The following MYO18A variants were observed in gnomAD, a reference collection of about 807,000 sequenced individuals.
The protein encoded by MYO18A is myosin XVIIIA.
In MYO18A, 78 loss-of-function variants were observed where a neutral mutation model predicts 235.8. The ratio of observed to expected loss-of-function variants is 0.33; its 90% CI spans 0.28 to 0.40. The LOEUF (loss-of-function observed/expected upper bound fraction) is 0.40, where lower values mean the gene tolerates loss of function less well. Among genes scored for constraint, MYO18A ranks in the 10% least tolerant of loss-of-function variants. The pLI is 1.00. For synonymous variants in MYO18A, 977 were observed against 1,077.8 expected (o/e 0.91, Z 1.83); for missense variants, 2,215 against 2,699.3 (o/e 0.82, Z 3.98).
intron 39 of MYO18A, 30 bp from the exon 40 acceptor site, chr17:29,085,678 G>T: frequency 6.2e-7 from 1 of 1,612,886 alleles, no homozygotes; most frequent in Non-Finnish European, 8.5e-7. Flanking sequence ...GGTGGGCAAG[G>T]GGTCCAGAGG....
chr17:29,136,731 TGC>T (rs1033878763), intron 2 of MYO18A, among the ~76,000 whole-genome samples: 2 of 152,268 alleles, frequency 1.3e-5, no homozygotes, highest in African/African-American at 4.8e-5. Flanking sequence ...AAGCCTGTGC[TGC>T]TTCCTCAGTG....
intron 2 of MYO18A, 131 bp downstream of exon 2, chr17:29,165,811 C>G: frequency 1.1e-6 from 1 of 877,712 alleles, no homozygotes. Flanking sequence ...GCTCAGAGAG[C>G]AGCAGGGCTT....
intron 41 of MYO18A, chr17:29,077,078 A>C (rs1325175929): frequency 1.3e-5 from 2 of 152,264 alleles, no homozygotes; most frequent in Non-Finnish European, 2.9e-5. Flanking sequence ...ATACTGTTTC[A>C]TCAAGACGCT....
intron 10 of MYO18A, among the ~76,000 whole-genome samples, chr17:29,116,936 C>G (rs939221522): frequency 6.6e-6 from 1 of 152,010 alleles, no homozygotes; most frequent in African/African-American, 2.4e-5. Context: ...CTGTCCTCCA[C>G]ATTCTCGAGA....
chr17:29,147,950 G>C (rs916713392), intron 2 of MYO18A, among the ~76,000 whole-genome samples: 2 of 150,744 alleles, frequency 1.3e-5, no homozygotes, highest in African/African-American at 4.9e-5. Flanking sequence ...GAGATAAGAA[G>C]GGTCTGCCTA....
At chr17:29,124,519 G>A (rs1212964851) in intron 2 of MYO18A, 2 of 559,378 alleles carry the variant, frequency 3.6e-6, no homozygotes, top group African/African-American at 2.0e-5. Flanking sequence ...CACAGGGTGG[G>A]AGCCTGGAGG....
At chr17:29,086,315 G>T in intron 39 of MYO18A, 123 bp downstream of exon 39, 1 of 1,102,772 alleles carries the variant, frequency 9.1e-7, no homozygotes, top group Non-Finnish European at 1.3e-6. Flanking sequence ...TAAAGGGAGG[G>T]TGGGTTGGCG....
rs1025706768 is a variant in MYO18A, at chr17:29,165,798, C to T, written c.999+144G>A. ...CTTCTCCTGAGTTCATGCTTCCCCACAGGCTCAGAGAGCAGCAGGGCTTCC... is the reference window on the plus strand; with the variant it reads ...CTTCTCCTGAGTTCATGCTTCCCCATAGGCTCAGAGAGCAGCAGGGCTTCC... On this transcript the variant is annotated intron_variant, in intron 2 of 41. Coordinates refer to ENST00000527372, the MANE Select transcript of MYO18A (RefSeq NM_078471.4). 9.7e-6 allele frequency: 8 copies of T among 823,644 alleles called. No individual in the cohort carries two copies. In the African/African-American group the frequency reaches 1.4e-4, roughly 14 times the overall value. The allele number at this position is 823,644 out of a possible 1,614,324, so 51.0% of individuals were successfully genotyped here.
intron 41 of MYO18A, among the ~76,000 whole-genome samples, chr17:29,082,051 T>C (rs1041146440): frequency 1.1e-4 from 17 of 152,214 alleles, no homozygotes; most frequent in African/African-American, 3.9e-4. Flanking sequence ...ATTTGTTGAA[T>C]GAATAAGTGG....
At chr17:29,175,113 A>AT (rs894941401) in intron 1 of MYO18A, among the ~76,000 whole-genome samples, 1 of 151,586 alleles carries the variant, frequency 6.6e-6, no homozygotes, top group Non-Finnish European at 1.5e-5. Flanking sequence ...CCATATTTTA[A>AT]TTTTTTTTCT....
At position 29,121,839 on chromosome 17, in the gene MYO18A, C is replaced by T; in HGVS notation, c.1194+12G>A. The T allele has an allele frequency of 6.2e-7, 1 of 1,613,810 alleles. No homozygotes were observed. Among genetic ancestry groups the T allele is most frequent in the South Asian group, 1.1e-5 (1 of 91,078 alleles). On this transcript the variant is annotated intron_variant, in intron 4 of 41. Coordinates refer to ENST00000527372, the MANE Select transcript of MYO18A (RefSeq NM_078471.4). The surrounding 1 kb of genome is among the most constrained non-coding windows in gnomAD (Gnocchi z 4.2). Reference sequence around the variant, plus strand: ...AGCCTCCTCCCCCACACCCAGCCCCCTGCCCACCTACCTTCTCAACGTCAT... The same window carrying T: ...AGCCTCCTCCCCCACACCCAGCCCCTTGCCCACCTACCTTCTCAACGTCAT...
chr17:29,173,578 G>A (rs549496330), intron 1 of MYO18A, among the ~76,000 whole-genome samples: 10 of 151,666 alleles, frequency 6.6e-5, no homozygotes, highest in African/African-American at 1.9e-4. Flanking sequence ...TAGTAGAGAC[G>A]GGGTTTCACC....
intron 2 of MYO18A, among the ~76,000 whole-genome samples, chr17:29,156,296 C>T (rs145918532): frequency 9.8e-5 from 15 of 152,322 alleles, no homozygotes; most frequent in African/African-American, 3.4e-4. Flanking sequence ...ACAGACACTG[C>T]GTAGCCCCCA....
chr17:29,093,522 G>C, intron 31 of MYO18A, 95 bp from the exon 32 acceptor site: 1 of 910,816 alleles, frequency 1.1e-6, no homozygotes. Context: ...CAGGAAAACA[G>C]TGGGGCAGGC....
Position 29,120,963 on chromosome 17 carries a change from C to G in MYO18A, c.1585+35G>C, listed in dbSNP as rs1024037304. On this transcript the variant is annotated intron_variant, in intron 6 of 41. Transcript: ENST00000527372. The surrounding 1 kb of genome is among the most constrained non-coding windows in gnomAD (Gnocchi z 4.2). ...TCTCTCCTCACTCCCCTCCCCTCAC[C>G]CCACTTTCAGTTTTCTCCCTTGTCC... 1 of 1,590,836 alleles carries G rather than the reference C, an allele frequency of 6.3e-7. No homozygotes were observed. Among genetic ancestry groups the G allele is most frequent in the Non-Finnish European group, 8.6e-7 (1 of 1,168,914 alleles).
chr17:29,132,216 G>A (rs575183618), intron 2 of MYO18A, among the ~76,000 whole-genome samples: 5 of 152,340 alleles, frequency 3.3e-5, no homozygotes, highest in African/African-American at 1.2e-4. Flanking sequence ...GAGGAGTGGA[G>A]TCGTGGAAAC....
rs1010797346 is a variant in MYO18A at position 29,074,347 on chromosome 17, G to C, written c.*423C>G. 1 of 748,594 alleles carries C rather than the reference G, an allele frequency of 1.3e-6. No homozygotes were observed. The highest frequency in any genetic ancestry group is 1.8e-5 in the African/African-American group (1 of 56,270). 46.4% of individuals were successfully genotyped at this position (748,594 alleles called of 1,614,324 possible). On this transcript the variant is annotated 3_prime_UTR_variant, in exon 42 of 42. Transcript: ENST00000527372. The surrounding 1 kb of genome is among the most constrained non-coding windows in gnomAD (Gnocchi z 4.4). Reference sequence around the variant, plus strand: ...GAGAGAGCCCCCACCCCACACGAGAGGGAAGGCACTGCTTCTCCTCCCCCA... The same window carrying C: ...GAGAGAGCCCCCACCCCACACGAGACGGAAGGCACTGCTTCTCCTCCCCCA...
intron 1 of MYO18A, among the ~76,000 whole-genome samples, chr17:29,170,815 T>C (rs943986789): frequency 6.6e-6 from 1 of 152,182 alleles, no homozygotes; most frequent in Admixed American, 6.5e-5. Context: ...CAACCTCAAA[T>C]ATACATCTAT....
intron 2 of MYO18A, among the ~76,000 whole-genome samples, chr17:29,156,282 T>G (rs2068064501): frequency 6.6e-6 from 1 of 152,232 alleles, no homozygotes; most frequent in South Asian, 2.1e-4. Flanking sequence ...CTCCAAGGTC[T>G]GAGACAGACA....
Sources: allele counts gnomAD v4.1 joint callset (sites outside exome capture counted in the v4.1 genomes callset), GRCh38; gene constraint gnomAD v4.1.1; non-coding constraint Gnocchi (gnomAD v3.1); transcripts MANE v1.5; gene names NCBI Gene and HGNC (gene_info 2026-07-23, HGNC 2026-07-21).